CACNA1A: variants seen among roughly 807,000 people sequenced by gnomAD.
The protein encoded by CACNA1A is voltage-dependent P/Q-type calcium channel subunit alpha-1A.
Under a neutral mutation model 262.4 loss-of-function variants are expected in CACNA1A, and 57 were observed. The ratio of observed to expected loss-of-function variants is 0.22; its 90% CI spans 0.18 to 0.27. The LOEUF (loss-of-function observed/expected upper bound fraction) is 0.27, where lower values mean the gene tolerates loss of function less well. Ranked by LOEUF, CACNA1A falls within the 10% of genes least tolerant of loss-of-function variation. The pLI is 1.00. For missense variants in CACNA1A, 2,526 were observed against 3,562.8 expected (o/e 0.71, Z 7.41); for synonymous variants, 1,431 against 1,419.3 (o/e 1.01, Z -0.18).
At position 13,380,037 on chromosome 19, in the gene CACNA1A, G is replaced by C. The variant is rs993513026; in HGVS notation, c.540-8258C>G. Among the ~76,000 whole-genome samples, 6 of 136,572 alleles carry C rather than the reference G, an allele frequency of 4.4e-5. No individual in the cohort carries two copies. In the South Asian group the frequency reaches 1.4e-3, roughly 33 times the overall value. 89.6% of individuals were successfully genotyped at this position (136,572 alleles called of 152,430 possible). On this transcript the variant is annotated intron_variant, in intron 3 of 46. Transcript: ENST00000360228. The stretch of plus-strand genomic sequence containing the variant: ...GCGGTGGCTCATGCCTGTAATCCCA[G>C]CACTTTGGGAGGCCAAGGCTGGCGG...
At chr19:13,323,636 G>C (rs2058299873) in intron 10 of CACNA1A, among the ~76,000 whole-genome samples, 1 of 150,492 alleles carries the variant, frequency 6.6e-6, no homozygotes. Flanking sequence ...TTGCTGTTGA[G>C]TTGTTTGAGT....
chr19:13,401,641 C>T (rs1251680070), intron 3 of CACNA1A, among the ~76,000 whole-genome samples: 1 of 152,158 alleles, frequency 6.6e-6, no homozygotes, highest in Non-Finnish European at 1.5e-5. Flanking sequence ...CTTCCAGGAA[C>T]CCTCATAAGT....
intron 3 of CACNA1A, among the ~76,000 whole-genome samples, chr19:13,425,312 G>C (rs2144800497): frequency 6.6e-6 from 1 of 152,224 alleles, no homozygotes; most frequent in East Asian, 1.9e-4. Context: ...AACCACTTTT[G>C]CCCCAAGGGC....
chr19:13,477,894 G>A (rs1978751977), intron 1 of CACNA1A, among the ~76,000 whole-genome samples: 1 of 152,106 alleles, frequency 6.6e-6, no homozygotes, highest in South Asian at 2.1e-4. Context: ...CACTATCTTT[G>A]CACTCAACCA....
At chr19:13,353,114 T>C (rs917421305) in intron 6 of CACNA1A, among the ~76,000 whole-genome samples, 11 of 149,692 alleles carry the variant, frequency 7.3e-5, no homozygotes, top group African/African-American at 2.7e-4. Flanking sequence ...CCACTCATCA[T>C]TTTTTTTGTT....
chr19:13,227,377 AG>A (rs2055496155), intron 37 of CACNA1A, 53 bp downstream of exon 37: 18 of 798,462 alleles, frequency 2.3e-5, no homozygotes, highest in East Asian at 2.1e-4. Flanking sequence ...AAGAAGAAGA[AG>A]AAGAAAAAAA....
Position 13,455,210 on chromosome 19 carries a change from G to A in CACNA1A, c.296C>T (p.Pro99Leu), listed in dbSNP as rs763303899. Residue 99 changes from proline (P) to leucine (L), a missense_variant and splice_region_variant, in exon 2 of 47, where the codon CCC becomes CTC. This residue lies in a region of CACNA1A where 77 missense variants were observed against 228.4 expected (regional missense o/e 0.34). Transcript: ENST00000360228. ...KYAKKITEWP[P>L]FEYMILATII... is the part of the protein sequence containing the mutation. The stretch of plus-strand genomic sequence containing the variant: ...GGTGGCTAAAATCATATATTCAAAG[G>A]GAGTATTGGGGAATTAAGGAAAAAT... 2 of 1,583,108 alleles carry A rather than the reference G, an allele frequency of 1.3e-6. No homozygotes were observed. The highest frequency in any genetic ancestry group is 2.2e-5 in the South Asian group (2 of 90,448).
At chr19:13,276,990 G>A in intron 23 of CACNA1A, 79 bp downstream of exon 23, 3 of 917,370 alleles carry the variant, frequency 3.3e-6, no homozygotes, top group Non-Finnish European at 5.3e-6. Context: ...GGGATTACAG[G>A]CATGATCCAC....
chr19:13,413,251 C>T (rs924360216), intron 3 of CACNA1A, among the ~76,000 whole-genome samples: 7 of 151,764 alleles, frequency 4.6e-5, no homozygotes, highest in African/African-American at 7.3e-5. Context: ...GGACTACAGG[C>T]GCCCGCCACC....
At chr19:13,476,279 AG>A (rs1978523510) in intron 1 of CACNA1A, among the ~76,000 whole-genome samples, 2 of 152,298 alleles carry the variant, frequency 1.3e-5, no homozygotes, top group Admixed American at 1.3e-4. Context: ...CCAGACTGGA[AG>A]TAAGAAGGGA....
chr19:13,236,034 C>T lies in CACNA1A; in HGVS notation c.4951-304G>A, dbSNP rs936958595. 2.4e-5 allele frequency: 8 copies of T among 330,280 alleles called. No homozygotes were observed. The highest frequency in any genetic ancestry group is 3.3e-5 in the Non-Finnish European group (6 of 182,316). 20.5% of individuals were successfully genotyped at this position (330,280 alleles called of 1,614,324 possible). On this transcript the variant is annotated intron_variant, in intron 31 of 46. Coordinates refer to ENST00000360228, the MANE Select transcript of CACNA1A (RefSeq NM_001127222.2). This position sits in a 1 kb window ranked among gnomAD's most constrained non-coding sequence, Gnocchi z 4.6. ...AGAAAAAGAAAGGAGGAAAAAGGAA[C>T]GGGGATGGGGAAGAAATAACAAAAG...
chr19:13,224,633 C>T (rs1227761245), intron 38 of CACNA1A, 34 bp downstream of exon 38: 12 of 1,467,424 alleles, frequency 8.2e-6, no homozygotes, highest in East Asian at 7.2e-5. Context: ...CACCCTGTCA[C>T]GCCTGTCTGT....
At chr19:13,473,522 G>A (rs907410874) in intron 1 of CACNA1A, among the ~76,000 whole-genome samples, 4 of 152,216 alleles carry the variant, frequency 2.6e-5, no homozygotes, top group Non-Finnish European at 4.4e-5. Context: ...AAGCCATATA[G>A]TTCATGGCAA....
chr19:13,311,620 G>A (rs1377082446), intron 12 of CACNA1A, among the ~76,000 whole-genome samples: 1 of 152,114 alleles, frequency 6.6e-6, no homozygotes, highest in African/African-American at 2.4e-5. Flanking sequence ...GGTGGATCAC[G>A]AGGTCAGGAG....
chr19:13,392,339 G>C (rs911584946), intron 3 of CACNA1A, among the ~76,000 whole-genome samples: 2 of 152,250 alleles, frequency 1.3e-5, no homozygotes, highest in East Asian at 1.9e-4. Flanking sequence ...ACCAGGGCTA[G>C]AGGAGGTGGT....
chr19:13,481,752 G>A (rs905242328), intron 1 of CACNA1A, among the ~76,000 whole-genome samples: 3 of 152,006 alleles, frequency 2.0e-5, no homozygotes, highest in Non-Finnish European at 2.9e-5. Flanking sequence ...GTTGCTTCCT[G>A]CCCCTGGGAC....
chr19:13,376,815 G>GTTATA, intron 3 of CACNA1A, among the ~76,000 whole-genome samples: 1 of 96,160 alleles, frequency 1.0e-5, no homozygotes, highest in African/African-American at 3.4e-5. Context: ...TATATGTTAT[G>GTTATA]TGTGATATAT....
intron 3 of CACNA1A, among the ~76,000 whole-genome samples, chr19:13,438,537 A>C (rs905716081): frequency 2.0e-5 from 3 of 152,238 alleles, no homozygotes; most frequent in Admixed American, 1.3e-4. Flanking sequence ...AGTGGAGCAC[A>C]GTCATTCCAG....
At chr19:13,432,712 T>C (rs2060534384) in intron 3 of CACNA1A, among the ~76,000 whole-genome samples, 1 of 151,070 alleles carries the variant, frequency 6.6e-6, no homozygotes, top group African/African-American at 2.5e-5. Flanking sequence ...TCAAAATTGC[T>C]AAAAGAGTAG....
Sources: gnomAD v4.1 joint callset for allele counts (sites outside exome capture counted in the v4.1 genomes callset) on GRCh38, gnomAD v4.1.1 for gene constraint, gnomAD v4.1.1 regional missense constraint, Gnocchi (gnomAD v3.1) non-coding constraint, MANE v1.5 for transcripts, NCBI Gene and HGNC (gene_info 2026-07-23, HGNC 2026-07-21) for gene names.